The following AKAP6 variants were observed in gnomAD, a reference collection of about 807,000 sequenced individuals.
AKAP6 encodes the protein A-kinase anchor protein 6.
Under a neutral mutation model 188.5 loss-of-function variants are expected in AKAP6, and 58 were observed. The ratio of observed to expected loss-of-function variants is 0.31; its 90% CI spans 0.25 to 0.38. The LOEUF is 0.38. Among genes scored for constraint, AKAP6 ranks in the 10% least tolerant of loss-of-function variants. The pLI, the probability that AKAP6 is intolerant of heterozygous loss-of-function variation, is 1.00. For synonymous variants in AKAP6, 989 were observed against 998.6 expected (o/e 0.99, Z 0.18); for missense variants, 2,710 against 2,740.0 (o/e 0.99, Z 0.24).
chr14:32,454,149 G>A (rs569030950), intron 2 of AKAP6, among the ~76,000 whole-genome samples: 1 of 152,310 alleles, frequency 6.6e-6, no homozygotes, highest in African/African-American at 2.4e-5. Flanking sequence ...TCTCAGAACT[G>A]TCTGAACATG....
At chr14:32,333,384 C>G (rs1005684068) in intron 1 of AKAP6, among the ~76,000 whole-genome samples, 2 of 152,142 alleles carry the variant, frequency 1.3e-5, no homozygotes, top group African/African-American at 4.8e-5. Context: ...TGAATATCTC[C>G]TATATGCCAG....
intron 7 of AKAP6, among the ~76,000 whole-genome samples, chr14:32,661,332 C>T (rs1267562721): frequency 6.6e-6 from 1 of 152,006 alleles, no homozygotes; most frequent in Admixed American, 6.6e-5. Flanking sequence ...AAAATTCTCA[C>T]AATGAGGCTT....
intron 7 of AKAP6, among the ~76,000 whole-genome samples, chr14:32,653,805 A>C (rs1888331164): frequency 6.6e-6 from 1 of 152,216 alleles, no homozygotes. Context: ...TAGTAAAACT[A>C]GGGCAAATAA....
At chr14:32,728,796 T>A (rs1240215980) in intron 9 of AKAP6, among the ~76,000 whole-genome samples, 2 of 152,192 alleles carry the variant, frequency 1.3e-5, no homozygotes, top group Non-Finnish European at 2.9e-5. Context: ...TTTAGAGCAT[T>A]ATTTTGAATT....
At chr14:32,448,499 G>A (rs1594624177) in intron 2 of AKAP6, among the ~76,000 whole-genome samples, 1 of 152,138 alleles carries the variant, frequency 6.6e-6, no homozygotes, top group African/African-American at 2.4e-5. Flanking sequence ...TGGCCCTCTA[G>A]TGTGGGACCT....
chr14:32,717,165 T>C (rs2030256777), intron 9 of AKAP6, among the ~76,000 whole-genome samples: 1 of 138,066 alleles, frequency 7.2e-6, no homozygotes, highest in Non-Finnish European at 1.5e-5. Context: ...GGGAAAATTC[T>C]CAAAAATCAC....
intron 7 of AKAP6, among the ~76,000 whole-genome samples, chr14:32,638,171 G>T (rs894787982): frequency 7.1e-6 from 1 of 141,640 alleles, no homozygotes; most frequent in Admixed American, 7.3e-5. Flanking sequence ...TAGTGGGGAT[G>T]TCAAGGGGGA....
intron 11 of AKAP6, among the ~76,000 whole-genome samples, chr14:32,762,885 C>A (rs1457324120): frequency 6.6e-6 from 1 of 151,956 alleles, no homozygotes; most frequent in Non-Finnish European, 1.5e-5. Flanking sequence ...TCAATAAGGC[C>A]ATGGAGGTAA....
At chr14:32,752,778 G>T (rs748424097) in intron 11 of AKAP6, among the ~76,000 whole-genome samples, 2 of 152,122 alleles carry the variant, frequency 1.3e-5, no homozygotes, top group Non-Finnish European at 2.9e-5. Flanking sequence ...AGATCACGCA[G>T]TATTTGTCTT....
intron 4 of AKAP6, among the ~76,000 whole-genome samples, chr14:32,575,963 C>T (rs1381254950): frequency 6.6e-6 from 1 of 152,036 alleles, no homozygotes; most frequent in Non-Finnish European, 1.5e-5. Context: ...TTACCACTCT[C>T]CACAATTCCA....
At chr14:32,654,336 C>T (rs1178079766) in intron 7 of AKAP6, among the ~76,000 whole-genome samples, 1 of 151,996 alleles carries the variant, frequency 6.6e-6, no homozygotes, top group Non-Finnish European at 1.5e-5. Context: ...TTTCTCATAC[C>T]CTGAGGGCTA....
intron 2 of AKAP6, among the ~76,000 whole-genome samples, chr14:32,437,093 G>T (rs1890405471): frequency 6.6e-6 from 1 of 152,148 alleles, no homozygotes; most frequent in South Asian, 2.1e-4. Context: ...TTCACTGTAA[G>T]TTCCAAAGAA....
chr14:32,599,444 T>C lies in AKAP6; in HGVS notation c.2504T>C (p.Leu835Pro), dbSNP rs1186217548. ...FKLNVDSHCA[L>P]KEAVEEEGHQ... is the part of the protein sequence containing the mutation. The stretch of plus-strand genomic sequence containing the variant: ...TTGAATGTAGACAGTCATTGTGCTC[T>C]CAAGGAAGCTGTGGAGGAGGAAGGA... The change falls in exon 6 of 14, where the codon CTC becomes CCC. Residue 835 changes from leucine to proline, a missense_variant. Leu to Pro is a moderately conservative substitution (Grantham distance 98). Transcript: ENST00000280979. 2 of 1,613,322 alleles carry C rather than the reference T, an allele frequency of 1.2e-6. No individual in the cohort carries two copies. The highest frequency in any genetic ancestry group is 2.7e-5 in the African/African-American group (2 of 74,896).
At chr14:32,732,349 G>A (rs1566673385) in intron 9 of AKAP6, 105 bp from the exon 10 acceptor site, 14 of 1,330,166 alleles carry the variant, frequency 1.1e-5, no homozygotes, top group Non-Finnish European at 1.2e-5. Context: ...ATTTTATTGG[G>A]AACAAAAACT....
At chr14:32,486,194 T>C (rs1045566288) in intron 2 of AKAP6, among the ~76,000 whole-genome samples, 2 of 112,470 alleles carry the variant, frequency 1.8e-5, no homozygotes, top group Non-Finnish European at 1.8e-5. Context: ...TTTGTACCAG[T>C]ACCATGCTGT....
intron 1 of AKAP6, among the ~76,000 whole-genome samples, chr14:32,351,037 A>G (rs187369518): frequency 3.9e-5 from 6 of 152,172 alleles, no homozygotes; most frequent in Admixed American, 2.6e-4. Context: ...CTAAACCCGG[A>G]ATCTCGAACT....
chr14:32,567,295 C>G (rs954575916), intron 4 of AKAP6, among the ~76,000 whole-genome samples: 6 of 152,186 alleles, frequency 3.9e-5, no homozygotes, highest in Non-Finnish European at 8.8e-5. Flanking sequence ...ATTCTAAGAG[C>G]CTTTTGAAAA....
At chr14:32,526,642 A>G (rs1882145181) in intron 2 of AKAP6, among the ~76,000 whole-genome samples, 1 of 152,222 alleles carries the variant, frequency 6.6e-6, no homozygotes, top group African/African-American at 2.4e-5. Context: ...GGCCTCCCAA[A>G]GTGATGGGAT....
chr14:32,750,120 C>T (rs2032067397), intron 11 of AKAP6, among the ~76,000 whole-genome samples: 1 of 152,124 alleles, frequency 6.6e-6, no homozygotes. Flanking sequence ...TACCACAAAG[C>T]TTATATTATG....
Sources: allele counts gnomAD v4.1 joint callset (sites outside exome capture counted in the v4.1 genomes callset), GRCh38; gene constraint gnomAD v4.1.1; transcripts MANE v1.5; gene names NCBI Gene and HGNC (gene_info 2026-07-23, HGNC 2026-07-21).